The following LEMD1 variants were observed in gnomAD, a reference collection of about 807,000 sequenced individuals.
LEMD1 encodes the protein LEM domain-containing protein 1.
In LEMD1, 18 loss-of-function variants were observed where a neutral mutation model predicts 17.4. The ratio of observed to expected loss-of-function variants is 1.04; its 90% CI spans 0.72 to 1.54. The LOEUF (loss-of-function observed/expected upper bound fraction) is 1.54, where lower values mean the gene tolerates loss of function less well. LEMD1 is among the 40% of genes most tolerant of loss of function. The pLI is 0.00. For missense variants in LEMD1, 195 were observed against 210.4 expected (o/e 0.93, Z 0.45); for synonymous variants, 88 against 77.8 (o/e 1.13, Z -0.69).
intron 4 of LEMD1, among the ~76,000 whole-genome samples, chr1:205,407,223 G>C (rs1665156230): frequency 6.6e-6 from 1 of 151,746 alleles, no homozygotes; most frequent in Non-Finnish European, 1.5e-5. Flanking sequence ...CCAGCTACTT[G>C]GGAGGCTGAG....
chr1:205,405,698 A>G (rs2102398063), intron 4 of LEMD1, among the ~76,000 whole-genome samples: 2 of 152,048 alleles, frequency 1.3e-5, no homozygotes, highest in African/African-American at 4.8e-5. Context: ...TTCTTCTCTC[A>G]ACTTGTCAAA....
At chr1:205,400,574 A>G (rs186090783) in intron 4 of LEMD1, among the ~76,000 whole-genome samples, 2 of 152,344 alleles carry the variant, frequency 1.3e-5, no homozygotes, top group Admixed American at 1.3e-4. Flanking sequence ...TGATACAATA[A>G]GAAATATACA....
chr1:205,421,361 T>C (rs1665952232), intron 1 of LEMD1, among the ~76,000 whole-genome samples: 1 of 152,192 alleles, frequency 6.6e-6, no homozygotes, highest in Admixed American at 6.5e-5. Flanking sequence ...GATTTTTAAA[T>C]TTTGGAGTTT....
intron 1 of LEMD1, among the ~76,000 whole-genome samples, chr1:205,434,643 A>C (rs1201786177): frequency 5.9e-5 from 9 of 152,162 alleles, no homozygotes; most frequent in Non-Finnish European, 8.8e-5. Context: ...GTTTAGAGAT[A>C]GCACAACGGA....
intron 1 of LEMD1, among the ~76,000 whole-genome samples, chr1:205,432,030 G>A (rs1297695019): frequency 6.6e-6 from 1 of 152,116 alleles, no homozygotes; most frequent in East Asian, 1.9e-4. Context: ...AGAAGCTTTA[G>A]GATTACCAGC....
intron 4 of LEMD1, among the ~76,000 whole-genome samples, chr1:205,402,734 T>C (rs1005698690): frequency 1.3e-5 from 2 of 150,682 alleles, no homozygotes; most frequent in African/African-American, 4.9e-5. Flanking sequence ...CTTCCAACAC[T>C]ATGTTGAATA....
intron 4 of LEMD1, among the ~76,000 whole-genome samples, chr1:205,399,728 A>T (rs181423542): frequency 2.8e-4 from 43 of 152,372 alleles, no homozygotes; most frequent in Non-Finnish European, 4.3e-4. Flanking sequence ...TTTGAGTATG[A>T]AAATAGTGAT....
intron 4 of LEMD1, among the ~76,000 whole-genome samples, chr1:205,396,424 G>A (rs1369268103): frequency 6.6e-6 from 1 of 151,994 alleles, no homozygotes; most frequent in African/African-American, 2.4e-5. Flanking sequence ...CCATTCAGCA[G>A]TCCTACTTGT....
rs561024472 is a variant in LEMD1, at chr1:205,412,214, C to T, written c.270+4018G>A. Among the ~76,000 whole-genome samples, 158 of 152,232 alleles carry T rather than the reference C, an allele frequency of 1.0e-3. 1 individual carries two copies. The highest frequency in any genetic ancestry group is 3.7e-3 in the African/African-American group (153 of 41,530). Reference sequence around the variant, plus strand: ...ACCAATCAACCCCAAATCCCATTTTCCCGTTTGGTAGAAGGGCACTTAGAG... The same window carrying T: ...ACCAATCAACCCCAAATCCCATTTTTCCGTTTGGTAGAAGGGCACTTAGAG... On this transcript the variant is annotated intron_variant, in intron 4 of 5. Coordinates refer to ENST00000367153, the MANE Select transcript of LEMD1 (RefSeq NM_001199050.2).
intron 1 of LEMD1, among the ~76,000 whole-genome samples, chr1:205,430,772 G>A (rs1427241884): frequency 3.3e-5 from 5 of 152,222 alleles, no homozygotes; most frequent in Non-Finnish European, 7.3e-5. Flanking sequence ...CACTCAGGCC[G>A]CGGCTCCAGC....
chr1:205,393,339 T>C (rs528247334), intron 4 of LEMD1, among the ~76,000 whole-genome samples: 221 of 150,308 alleles, frequency 1.5e-3, no homozygotes, highest in African/African-American at 5.2e-3. Context: ...AAATAAAAAC[T>C]ACAATGAGAT....
At chr1:205,398,543 C>T (rs1459784647) in intron 4 of LEMD1, among the ~76,000 whole-genome samples, 3 of 152,168 alleles carry the variant, frequency 2.0e-5, no homozygotes, top group African/African-American at 4.8e-5. Flanking sequence ...AAAAATGAGA[C>T]GTGAAGTTTT....
chr1:205,414,347 C>T (rs541048614), intron 4 of LEMD1, among the ~76,000 whole-genome samples: 1 of 151,906 alleles, frequency 6.6e-6, no homozygotes, highest in South Asian at 2.1e-4. Context: ...CTTTGAGAGG[C>T]CAAGGCAAGA....
In LEMD1 at chr1:205,411,653, G is replaced by GGAAAGAAA. The variant is rs71147742; in HGVS notation, c.270+4571_270+4578dup. ...AGGAAGGAAGGAAAAGAGAAAGAAAGGAAAGAAAGAAAGAAAGAAAAGAAA... is the reference window on the plus strand; with the variant it reads ...AGGAAGGAAGGAAAAGAGAAAGAAAGGAAAGAAAGAAAGAAAGAAAGAAAGAAAAGAAA... On this transcript the variant is annotated intron_variant, in intron 4 of 5. Coordinates refer to ENST00000367153, the MANE Select transcript of LEMD1 (RefSeq NM_001199050.2). Among the ~76,000 whole-genome samples the GGAAAGAAA allele has an allele frequency of 6.5e-3, 906 of 138,644 alleles. 3 individuals are homozygous for GGAAAGAAA. Among genetic ancestry groups the GGAAAGAAA allele is most frequent in the African/African-American group, 0.011 (390 of 36,782 alleles). 91.0% of individuals were successfully genotyped at this position (138,644 alleles called of 152,430 possible). A position where few individuals can be genotyped will look rare whatever the true frequency, so the allele number is the denominator to read the frequency against.
chr1:205,388,726 A>T (rs914316333), intron 4 of LEMD1, among the ~76,000 whole-genome samples: 1 of 152,236 alleles, frequency 6.6e-6, no homozygotes, highest in Non-Finnish European at 1.5e-5. Context: ...AAAACTTTTC[A>T]TTAATTAATA....
In LEMD1 at chr1:205,421,786, T is replaced by A. The variant is rs185907141; in HGVS notation, c.-39+204A>T. Among the ~76,000 whole-genome samples, 15 of 152,358 alleles carry A rather than the reference T, an allele frequency of 9.8e-5. No individual in the cohort carries two copies. In the East Asian group the frequency reaches 2.3e-3, roughly 24 times the overall value. Reference sequence around the variant, plus strand: ...CTCAGCACCTCAGATTTTTTTTCTTTCTTTTTTACTGGAAGCTTGCTTCGG... The same window carrying A: ...CTCAGCACCTCAGATTTTTTTTCTTACTTTTTTACTGGAAGCTTGCTTCGG... On this transcript the variant is annotated intron_variant, in intron 1 of 5. Coordinates refer to ENST00000367153, the MANE Select transcript of LEMD1 (RefSeq NM_001199050.2).
rs188032248 is a variant in LEMD1, at chr1:205,419,978, T to C, written c.82+477A>G. On this transcript the variant is annotated intron_variant, in intron 2 of 5. Coordinates refer to ENST00000367153, the MANE Select transcript of LEMD1 (RefSeq NM_001199050.2). ...ACATACTAAAAACAAAACAAAAAAA[T>C]TGAACAACATAATAAAGAGTAACTG... is the stretch of plus-strand genomic sequence containing the variant. Among the ~76,000 whole-genome samples, 146 of 152,180 alleles carry C rather than the reference T, an allele frequency of 9.6e-4. 2 individuals are homozygous for C. The highest frequency in any genetic ancestry group is 3.3e-3 in the African/African-American group (139 of 41,522).
intron 1 of LEMD1, among the ~76,000 whole-genome samples, chr1:205,440,005 C>T (rs545717518): frequency 6.6e-6 from 1 of 152,170 alleles, no homozygotes; most frequent in South Asian, 2.1e-4. Flanking sequence ...TCCTAGAGGT[C>T]CCCCCACCCT....
At chr1:205,428,902 T>C (rs2102452056) in intron 1 of LEMD1, among the ~76,000 whole-genome samples, 1 of 152,280 alleles carries the variant, frequency 6.6e-6, no homozygotes, top group Middle Eastern at 3.4e-3. Context: ...GAGTCAGATT[T>C]CTGGCTTGAA....
Sources: allele counts gnomAD v4.1 joint callset (sites outside exome capture counted in the v4.1 genomes callset), GRCh38; gene constraint gnomAD v4.1.1; transcripts MANE v1.5; gene names NCBI Gene and HGNC (gene_info 2026-07-23, HGNC 2026-07-21).